Variants in ADAMTSL3 observed in about 807,000 individuals in gnomAD.
ADAMTSL3 encodes ADAMTS like 3.
ADAMTSL3 carries 128 observed loss-of-function variants against 201.7 expected under a neutral mutation model. That is an observed-to-expected ratio of 0.63 (90% CI 0.55 to 0.73). The LOEUF is 0.73. Among genes scored for constraint, ADAMTSL3 ranks in the 30% least tolerant of loss-of-function variants. The pLI, the probability that ADAMTSL3 is intolerant of heterozygous loss-of-function variation, is 0.00. For missense variants in ADAMTSL3, 1,990 were observed against 2,119.6 expected (o/e 0.94, Z 1.20); for synonymous variants, 738 against 748.4 (o/e 0.99, Z 0.23).
chr15:83,919,257 T>G (rs947411423), intron 16 of ADAMTSL3, among the ~76,000 whole-genome samples: 2 of 152,090 alleles, frequency 1.3e-5, no homozygotes, highest in Non-Finnish European at 2.9e-5. Context: ...GGAGAATACC[T>G]ATGAGGAGTG....
intron 3 of ADAMTSL3, among the ~76,000 whole-genome samples, chr15:83,734,736 T>G (rs1023477404): frequency 1.3e-5 from 2 of 152,160 alleles, no homozygotes; most frequent in African/African-American, 4.8e-5. Flanking sequence ...AGACTGAATT[T>G]CCTTTTTAGA....
chr15:83,888,885 C>T (rs1326287968), intron 10 of ADAMTSL3, among the ~76,000 whole-genome samples: 2 of 152,192 alleles, frequency 1.3e-5, no homozygotes, highest in Non-Finnish European at 2.9e-5. Context: ...AAATCAGATT[C>T]CTCTCGACAA....
chr15:83,672,510 C>T (rs535471777), intron 2 of ADAMTSL3, among the ~76,000 whole-genome samples: 4 of 152,120 alleles, frequency 2.6e-5, no homozygotes, highest in Admixed American at 1.3e-4. Context: ...GATTGTAGAT[C>T]GTAGCAGAAA....
At chr15:83,995,779 C>T (rs1202680930) in intron 23 of ADAMTSL3, among the ~76,000 whole-genome samples, 1 of 151,958 alleles carries the variant, frequency 6.6e-6, no homozygotes, top group Non-Finnish European at 1.5e-5. Context: ...ACAAACTGAT[C>T]CTATAATTAA....
At chr15:83,760,432 A>C (rs540306280) in intron 3 of ADAMTSL3, among the ~76,000 whole-genome samples, 1 of 152,156 alleles carries the variant, frequency 6.6e-6, no homozygotes, top group Non-Finnish European at 1.5e-5. Flanking sequence ...AAATGTTTAT[A>C]AACATTTCAT....
intron 3 of ADAMTSL3, among the ~76,000 whole-genome samples, chr15:83,724,811 T>C (rs561846800): frequency 1.2e-3 from 182 of 152,290 alleles, no homozygotes; most frequent in Admixed American, 2.3e-3. Flanking sequence ...AAGTTTGTCT[T>C]TCTGTACCTG....
intron 2 of ADAMTSL3, among the ~76,000 whole-genome samples, chr15:83,666,661 G>A (rs2061251806): frequency 1.3e-5 from 2 of 151,972 alleles, no homozygotes; most frequent in Admixed American, 6.6e-5. Flanking sequence ...AATATAGGGA[G>A]ACCCCCATCC....
At chr15:84,014,392 T>TATAGAA (rs1230205368) in intron 23 of ADAMTSL3, 150 bp from the exon 24 acceptor site, 1 of 715,724 alleles carries the variant, frequency 1.4e-6, no homozygotes, top group East Asian at 2.7e-5. Context: ...ATAGAGTAGC[T>TATAGAA]ATAGAAATAG....
intron 23 of ADAMTSL3, among the ~76,000 whole-genome samples, chr15:83,999,721 A>C (rs925615634): frequency 7.2e-5 from 11 of 152,214 alleles, no homozygotes; most frequent in African/African-American, 2.7e-4. Context: ...TATCTATGGG[A>C]GGATGGTCAG....
chr15:83,982,009 C>T (rs1203778734), intron 20 of ADAMTSL3, among the ~76,000 whole-genome samples: 1 of 152,212 alleles, frequency 6.6e-6, no homozygotes, highest in Non-Finnish European at 1.5e-5. Flanking sequence ...CTCCCCAAAC[C>T]AGGGTTTTAT....
chr15:83,729,136 C>T (rs1043266965), intron 3 of ADAMTSL3, among the ~76,000 whole-genome samples: 1 of 152,056 alleles, frequency 6.6e-6, no homozygotes, highest in Non-Finnish European at 1.5e-5. Flanking sequence ...TATATTGGGG[C>T]TCCATTGTAT....
intron 26 of ADAMTSL3, among the ~76,000 whole-genome samples, chr15:84,021,812 G>T (rs527968429): frequency 6.6e-6 from 1 of 152,288 alleles, no homozygotes; most frequent in South Asian, 2.1e-4. Flanking sequence ...AGGCCATACA[G>T]TTATAAGGAC....
intron 15 of ADAMTSL3, among the ~76,000 whole-genome samples, chr15:83,908,015 C>T (rs572053736): frequency 2.6e-5 from 4 of 152,266 alleles, no homozygotes; most frequent in South Asian, 2.1e-4. Flanking sequence ...ATATGTTTTT[C>T]TTTCACTAAT....
At chr15:83,672,728 G>A (rs955907849) in intron 2 of ADAMTSL3, among the ~76,000 whole-genome samples, 1 of 152,180 alleles carries the variant, frequency 6.6e-6, no homozygotes, top group Non-Finnish European at 1.5e-5. Context: ...GCAGAGCCTC[G>A]TTTCCAAAGA....
In ADAMTSL3 at chr15:83,870,959, G is replaced by T. The variant is rs1478168090; in HGVS notation, c.960G>T (p.Lys320Asn). The change falls in exon 9 of 30, where the codon AAG becomes AAT. Residue 320 changes from lysine (K) to asparagine (N), a missense_variant and splice_region_variant. By Grantham distance (94) the Lys-to-Asn change is moderately conservative. Transcript: ENST00000286744. ...CTCTGATGGCTGATTTCATCTTCAA[G>T]GTAGGATGATCCTCTTCATAAACTT... ...PGPLMADFIFKTRYTAAKDSV... is the reference protein window; with the variant it reads ...PGPLMADFIFNTRYTAAKDSV... 1 of 1,611,808 alleles carries T rather than the reference G, an allele frequency of 6.2e-7. No individual in the cohort carries two copies. Among genetic ancestry groups the T allele is most frequent in the South Asian group, 1.1e-5 (1 of 90,396 alleles).
intron 19 of ADAMTSL3, among the ~76,000 whole-genome samples, chr15:83,947,808 CATGG>C (rs1464956413): frequency 6.6e-6 from 1 of 152,128 alleles, no homozygotes; most frequent in African/African-American, 2.4e-5. Flanking sequence ...CTTTAACTCC[CATGG>C]ATGATTTTCA....
chr15:83,937,055 TGCTGGTGGGAATGTAAA>T (rs2066473656), intron 17 of ADAMTSL3, among the ~76,000 whole-genome samples: 1 of 151,006 alleles, frequency 6.6e-6, no homozygotes, highest in Non-Finnish European at 1.5e-5. Context: ...ATTTATACGC[TGCTGGTGGGAATGTAAA>T]TTAATTCAGC....
intron 5 of ADAMTSL3, among the ~76,000 whole-genome samples, chr15:83,811,084 AT>A (rs2063688046): frequency 2.0e-5 from 3 of 152,142 alleles, no homozygotes; most frequent in Admixed American, 2.0e-4. Flanking sequence ...ACAGCTGGGC[AT>A]TGTTCTCCCA....
chr15:83,656,991 C>T (rs1222742837), intron 2 of ADAMTSL3, among the ~76,000 whole-genome samples: 1 of 152,196 alleles, frequency 6.6e-6, no homozygotes, highest in Non-Finnish European at 1.5e-5. Context: ...ATCTTCTCCC[C>T]ACTATCCCAT....
Sources: allele counts gnomAD v4.1 joint callset (sites outside exome capture counted in the v4.1 genomes callset), GRCh38; gene constraint gnomAD v4.1.1; transcripts MANE v1.5; gene names NCBI Gene and HGNC (gene_info 2026-07-23, HGNC 2026-07-21).